The following RAPGEF6 variants were observed in gnomAD, a reference collection of about 807,000 sequenced individuals.
RAPGEF6 encodes the protein PDZ domain containing guanine nucleotide exchange factor (GEF) 2.
In RAPGEF6, 56 loss-of-function variants were observed where a neutral mutation model predicts 171.4. That is an observed-to-expected ratio of 0.33 (90% CI 0.26 to 0.41). The LOEUF is 0.41. Among genes scored for constraint, RAPGEF6 ranks in the 10% least tolerant of loss-of-function variants. The pLI is 1.00. For missense variants in RAPGEF6, 1,674 were observed against 1,921.4 expected (o/e 0.87, Z 2.41); for synonymous variants, 692 against 650.1 (o/e 1.06, Z -0.98).
intron 15 of RAPGEF6, among the ~76,000 whole-genome samples, chr5:131,489,204 GA>G (rs902192535): frequency 9.9e-5 from 15 of 152,104 alleles, no homozygotes; most frequent in African/African-American, 2.4e-4. Context: ...CTAGCTGGGG[GA>G]AAAAATGCCT....
intron 3 of RAPGEF6, among the ~76,000 whole-genome samples, chr5:131,592,917 C>T (rs1484463145): frequency 1.3e-4 from 20 of 152,058 alleles, no homozygotes; most frequent in Admixed American, 1.3e-3. Flanking sequence ...CAAGTTAAAA[C>T]TTGAATACAA....
At chr5:131,447,621 C>T (rs998321602) in intron 21 of RAPGEF6, among the ~76,000 whole-genome samples, 2 of 152,094 alleles carry the variant, frequency 1.3e-5, no homozygotes, top group Admixed American at 1.3e-4. Flanking sequence ...TTTTATTTTG[C>T]CATTCCAAAA....
intron 25 of RAPGEF6, 78 bp from the exon 26 acceptor site, chr5:131,431,427 G>A (rs1751700647): frequency 6.8e-7 from 1 of 1,474,550 alleles, no homozygotes; most frequent in Non-Finnish European, 9.1e-7. Context: ...ATTATTGCCT[G>A]TGAGAAACTA....
rs575000886 is a variant in RAPGEF6 at position 131,547,957 on chromosome 5, C to T, written c.495+90G>A. 13 of 1,377,824 alleles carry T rather than the reference C, an allele frequency of 9.4e-6. No homozygotes were observed. In the African/African-American group the frequency reaches 1.3e-4, roughly 14 times the overall value. 85.3% of individuals were successfully genotyped at this position (1,377,824 alleles called of 1,614,324 possible). A position where few individuals can be genotyped will look rare whatever the true frequency, so the allele number is the denominator to read the frequency against. On this transcript the variant is annotated intron_variant, in intron 6 of 27. Transcript: ENST00000509018. ...CCAAATTTTCACATACAGAGCCCAGCATGTTGATATTACCAAAGATACATG... is the reference window on the plus strand; with the variant it reads ...CCAAATTTTCACATACAGAGCCCAGTATGTTGATATTACCAAAGATACATG...
At chr5:131,525,545 T>A (rs1330818529) in intron 6 of RAPGEF6, among the ~76,000 whole-genome samples, 1 of 151,960 alleles carries the variant, frequency 6.6e-6, no homozygotes, top group Non-Finnish European at 1.5e-5. Context: ...ACTATGTATA[T>A]CAGAAAAGGC....
chr5:131,456,622 C>A (rs1291532821), intron 19 of RAPGEF6, among the ~76,000 whole-genome samples: 1 of 152,192 alleles, frequency 6.6e-6, no homozygotes, highest in Non-Finnish European at 1.5e-5. Flanking sequence ...GGCTGCAAGT[C>A]TTTATGAATC....
At chr5:131,489,821 T>C (rs951707158) in intron 14 of RAPGEF6, among the ~76,000 whole-genome samples, 167 bp from the exon 15 acceptor site, 2 of 152,142 alleles carry the variant, frequency 1.3e-5, no homozygotes, top group Non-Finnish European at 2.9e-5. Context: ...TCTTTTTCTC[T>C]ATATTGTTGT....
chr5:131,625,479 T>A (rs567760197), intron 1 of RAPGEF6, among the ~76,000 whole-genome samples: 1 of 152,124 alleles, frequency 6.6e-6, no homozygotes, highest in East Asian at 1.9e-4. Context: ...TCCAGGACCT[T>A]ATCTCACACC....
chr5:131,528,248 T>A (rs1473813346), intron 6 of RAPGEF6, among the ~76,000 whole-genome samples: 8 of 128,654 alleles, frequency 6.2e-5, no homozygotes, highest in Non-Finnish European at 1.3e-4. Flanking sequence ...ATCATATATA[T>A]AAATAAAATA....
At position 131,439,503 on chromosome 5, in the gene RAPGEF6, T is replaced by C. The variant is rs534361700; in HGVS notation, c.3745+78A>G. 2.0e-6 allele frequency: 3 copies of C among 1,483,534 alleles called. No homozygotes were observed. In the Admixed American group the frequency reaches 7.7e-5, roughly 38 times the overall value. The allele number at this position is 1,483,534 out of a possible 1,614,324, so 91.9% of individuals were successfully genotyped here. A position where few individuals can be genotyped will look rare whatever the true frequency, so the allele number is the denominator to read the frequency against. ...TTTCTTAATGATTTATAATTATTGC[T>C]ATAGATTGAAAAGCAAAATATGTGC... On this transcript the variant is annotated intron_variant, in intron 24 of 27. Coordinates refer to ENST00000509018, the MANE Select transcript of RAPGEF6 (RefSeq NM_016340.6).
chr5:131,459,579 C>T (rs1429325648), intron 19 of RAPGEF6, among the ~76,000 whole-genome samples: 1 of 152,092 alleles, frequency 6.6e-6, no homozygotes, highest in African/African-American at 2.4e-5. Context: ...CAAAAGTAAA[C>T]ACCACACACT....
intron 9 of RAPGEF6, among the ~76,000 whole-genome samples, chr5:131,507,011 G>A (rs1407928903): frequency 2.0e-5 from 3 of 151,356 alleles, no homozygotes; most frequent in Admixed American, 6.6e-5. Flanking sequence ...AGAGCCTAGA[G>A]ACAGGGATCC....
chr5:131,478,933 CT>C (rs1340668494), intron 16 of RAPGEF6, among the ~76,000 whole-genome samples: 1 of 152,112 alleles, frequency 6.6e-6, no homozygotes, highest in Non-Finnish European at 1.5e-5. Flanking sequence ...TTGATTAGAA[CT>C]TTTGTAATTG....
chr5:131,619,409 G>A (rs1319728330), intron 1 of RAPGEF6, among the ~76,000 whole-genome samples: 1 of 152,108 alleles, frequency 6.6e-6, no homozygotes, highest in Non-Finnish European at 1.5e-5. Context: ...CATGGCATGT[G>A]TATACCTATG....
intron 6 of RAPGEF6, among the ~76,000 whole-genome samples, chr5:131,533,699 T>A (rs1759561585): frequency 6.6e-6 from 1 of 152,102 alleles, no homozygotes. Flanking sequence ...AGTTGCAGCA[T>A]GCACCTACTT....
chr5:131,628,519 AAAGT>A (rs1445932414), intron 1 of RAPGEF6, among the ~76,000 whole-genome samples: 1 of 152,186 alleles, frequency 6.6e-6, no homozygotes, highest in African/African-American at 2.4e-5. Context: ...ACTAACATAA[AAAGT>A]AAGTTATCCT....
chr5:131,599,583 G>A (rs1025321785), intron 3 of RAPGEF6, among the ~76,000 whole-genome samples: 1 of 152,108 alleles, frequency 6.6e-6, no homozygotes, highest in African/African-American at 2.4e-5. Context: ...GAAAAAGATA[G>A]TTTTTCAATA....
At chr5:131,579,779 G>A (rs577543823) in intron 4 of RAPGEF6, among the ~76,000 whole-genome samples, 2 of 152,314 alleles carry the variant, frequency 1.3e-5, no homozygotes, top group African/African-American at 2.4e-5. Context: ...GTGCTGAATG[G>A]TGCATTTACA....
Position 131,495,675 on chromosome 5 carries a change from A to C in RAPGEF6, c.1420-15T>G. ...ATCCGTGTCACCTGTGGAAACATAA[A>C]AGAGGCAGCATATGGTTATAAGAGG... On this transcript the variant is annotated splice_polypyrimidine_tract_variant and intron_variant, in intron 12 of 27. Coordinates refer to ENST00000509018, the MANE Select transcript of RAPGEF6 (RefSeq NM_016340.6). 1 of 1,605,938 alleles carries C rather than the reference A, an allele frequency of 6.2e-7. No homozygotes were observed. The highest frequency in any genetic ancestry group is 8.5e-7 in the Non-Finnish European group (1 of 1,175,440).
Sources: allele counts gnomAD v4.1 joint callset (sites outside exome capture counted in the v4.1 genomes callset), GRCh38; gene constraint gnomAD v4.1.1; transcripts MANE v1.5; gene names NCBI Gene and HGNC (gene_info 2026-07-23, HGNC 2026-07-21).